Variants in NAALADL2 observed in about 807,000 individuals in gnomAD.
The protein encoded by NAALADL2 is N-acetylated alpha-linked acidic dipeptidase like 2.
NAALADL2 carries 76 observed loss-of-function variants against 87.2 expected under a neutral mutation model. The observed-to-expected ratio is 0.87, with a 90% confidence interval of 0.72 to 1.05. The LOEUF is 1.05. Among genes scored for constraint, NAALADL2 ranks in the 50% least tolerant of loss-of-function variants. The probability of loss-of-function intolerance (pLI) is 0.00; values close to 1 mark genes in which losing one functional copy is unlikely to be tolerated. For synonymous variants in NAALADL2, 354 were observed against 331.0 expected, an observed-to-expected ratio of 1.07 and a Z score of -0.75; for missense variants, 1,089 against 945.8, an observed-to-expected ratio of 1.15 and a Z score of -1.99.
intron 9 of NAALADL2, among the ~76,000 whole-genome samples, chr3:175,494,109 T>C (rs1215750334): frequency 1.3e-5 from 2 of 149,478 alleles, no homozygotes; most frequent in Admixed American, 6.7e-5. Context: ...TTGGAAATTA[T>C]ACTGTGAGTT....
At chr3:175,699,929 G>A (rs527431536) in intron 11 of NAALADL2, among the ~76,000 whole-genome samples, 1 of 152,230 alleles carries the variant, frequency 6.6e-6, no homozygotes, top group African/African-American at 2.4e-5. Flanking sequence ...GTGGCAGAAA[G>A]TCCAAGGGCA....
intron 4 of NAALADL2, among the ~76,000 whole-genome samples, chr3:175,304,139 G>A (rs7623764): frequency 0.11 from 16,849 of 151,914 alleles, 1,451 homozygotes; most frequent in African/African-American, 0.22. Context: ...AAAAAGTATC[G>A]TTATTTGCTC....
chr3:174,683,993 G>T (rs1727799771), intron 2 of NAALADL2, among the ~76,000 whole-genome samples: 1 of 151,622 alleles, frequency 6.6e-6, no homozygotes, highest in Non-Finnish European at 1.5e-5. Flanking sequence ...AGTTTTCTAT[G>T]CATCACATTT....
chr3:175,357,186 C>T (rs1301355967), intron 5 of NAALADL2, among the ~76,000 whole-genome samples: 1 of 152,074 alleles, frequency 6.6e-6, no homozygotes, highest in Non-Finnish European at 1.5e-5. Flanking sequence ...ACATGGGATC[C>T]ATTTTCTTCT....
intron 2 of NAALADL2, among the ~76,000 whole-genome samples, chr3:174,715,275 A>G (rs1292072035): frequency 6.6e-6 from 1 of 152,158 alleles, no homozygotes; most frequent in Non-Finnish European, 1.5e-5. Context: ...CAACCAGTTT[A>G]TTTTAGCAGG....
At chr3:175,337,291 G>T (rs920691645) in intron 5 of NAALADL2, among the ~76,000 whole-genome samples, 2 of 152,028 alleles carry the variant, frequency 1.3e-5, no homozygotes, top group Admixed American at 1.3e-4. Flanking sequence ...AAGATTTCTT[G>T]ATATATTTGA....
chr3:175,171,621 A>G (rs538803990), intron 2 of NAALADL2, among the ~76,000 whole-genome samples: 7 of 152,270 alleles, frequency 4.6e-5, no homozygotes, highest in African/African-American at 1.7e-4. Flanking sequence ...GCAGGCTAAA[A>G]AGCAGAGTTG....
intron 1 of NAALADL2, among the ~76,000 whole-genome samples, chr3:175,090,904 TAAAG>T (rs1220577278): frequency 2.0e-5 from 3 of 152,112 alleles, no homozygotes; most frequent in African/African-American, 4.8e-5. Context: ...TGCAATTAAA[TAAAG>T]AATTCTTGAT....
intron 2 of NAALADL2, among the ~76,000 whole-genome samples, chr3:175,111,533 T>TA (rs2108498016): frequency 6.6e-6 from 1 of 151,840 alleles, no homozygotes; most frequent in East Asian, 1.9e-4. Context: ...GATATCAACT[T>TA]ACGATCTTTT....
intron 10 of NAALADL2, among the ~76,000 whole-genome samples, chr3:175,603,931 C>T (rs1189357243): frequency 6.6e-6 from 1 of 152,018 alleles, no homozygotes; most frequent in African/African-American, 2.4e-5. Flanking sequence ...GAGGTTGAGG[C>T]TGCGAGAACT....
At chr3:174,927,867 A>G (rs1350366102) in intron 1 of NAALADL2, among the ~76,000 whole-genome samples, 1 of 152,154 alleles carries the variant, frequency 6.6e-6, no homozygotes, top group Non-Finnish European at 1.5e-5. Flanking sequence ...TCAGAGCATA[A>G]CTAAAGGAGA....
rs1221144003 is a variant in NAALADL2, at chr3:175,486,802, C to A, written c.1653+15044C>A. Among the ~76,000 whole-genome samples the A allele has an allele frequency of 5.3e-5, 8 of 152,180 alleles. No individual in the cohort carries two copies. The East Asian group carries it at 1.5e-3, about 29-fold the overall frequency. On this transcript the variant is annotated intron_variant, in intron 9 of 13. Coordinates refer to ENST00000454872, the MANE Select transcript of NAALADL2 (RefSeq NM_207015.3). ...TCACTCAGTTGTTTAGGACAAAGAC[C>A]TTGGAGACCTCTTTCACTCCTCTCT...
chr3:175,015,770 T>C (rs1750731062), intron 1 of NAALADL2, among the ~76,000 whole-genome samples: 1 of 152,118 alleles, frequency 6.6e-6, no homozygotes, highest in Non-Finnish European at 1.5e-5. Flanking sequence ...GAAAAGCTTG[T>C]TCATGTTATT....
chr3:175,624,374 C>G (rs765643765), intron 10 of NAALADL2, among the ~76,000 whole-genome samples: 11 of 151,972 alleles, frequency 7.2e-5, no homozygotes, highest in Non-Finnish European at 8.8e-5. Context: ...GAAGCATTAA[C>G]AAATACTAAT....
chr3:175,715,267 A>C (rs915074906), intron 11 of NAALADL2, among the ~76,000 whole-genome samples: 1 of 152,270 alleles, frequency 6.6e-6, no homozygotes, highest in Middle Eastern at 3.4e-3. Context: ...ACTCTGCTCT[A>C]TTCTAGTAGA....
intron 1 of NAALADL2, among the ~76,000 whole-genome samples, chr3:175,073,091 G>T (rs1319833802): frequency 6.6e-6 from 1 of 151,998 alleles, no homozygotes; most frequent in African/African-American, 2.4e-5. Context: ...CCACAAATCT[G>T]TTGGCACTCA....
intron 5 of NAALADL2, among the ~76,000 whole-genome samples, chr3:175,394,458 C>T (rs996277753): frequency 3.3e-5 from 5 of 152,184 alleles, no homozygotes; most frequent in Non-Finnish European, 5.9e-5. Context: ...CAAAATATCA[C>T]ATATGCCTCA....
chr3:175,542,044 A>T (rs562928400), intron 9 of NAALADL2, among the ~76,000 whole-genome samples: 40 of 152,236 alleles, frequency 2.6e-4, no homozygotes, highest in Admixed American at 7.8e-4. Context: ...CTTCTCTTGA[A>T]AGAAAGCCAT....
intron 2 of NAALADL2, among the ~76,000 whole-genome samples, chr3:175,131,799 G>A (rs1243073316): frequency 3.4e-5 from 5 of 146,554 alleles, no homozygotes; most frequent in Non-Finnish European, 7.6e-5. Flanking sequence ...CTCCCGGACG[G>A]GGGGCCTGGC....
Sources: gnomAD v4.1 joint callset for allele counts (sites outside exome capture counted in the v4.1 genomes callset) on GRCh38, gnomAD v4.1.1 for gene constraint, MANE v1.5 for transcripts, NCBI Gene and HGNC (gene_info 2026-07-23, HGNC 2026-07-21) for gene names.